Variants in PDE4D observed in about 807,000 individuals in gnomAD.
PDE4D encodes phosphodiesterase 4D, also known as 3',5'-cyclic-AMP phosphodiesterase 4D.
In PDE4D, 24 loss-of-function variants were observed where a neutral mutation model predicts 87.4. That is an observed-to-expected ratio of 0.27 (90% CI 0.20 to 0.39). PDE4D has a LOEUF of 0.39. Ranked by LOEUF, PDE4D falls within the 10% of genes least tolerant of loss-of-function variation. The probability of loss-of-function intolerance (pLI) is 1.00; values close to 1 mark genes in which losing one functional copy is unlikely to be tolerated. For synonymous variants in PDE4D, 384 were observed against 383.2 expected (o/e 1.00, Z -0.02); for missense variants, 714 against 1,041.0 (o/e 0.69, Z 4.32).
intron 2 of PDE4D, among the ~76,000 whole-genome samples, chr5:60,030,376 G>A (rs1216120862): frequency 3.3e-5 from 5 of 152,148 alleles, no homozygotes; most frequent in Non-Finnish European, 7.3e-5. Flanking sequence ...CGTGAACCCG[G>A]GAAGCGGAGC....
intron 1 of PDE4D, among the ~76,000 whole-genome samples, chr5:59,709,622 T>C (rs1030127846): frequency 6.6e-6 from 1 of 152,156 alleles, no homozygotes; most frequent in African/African-American, 2.4e-5. Context: ...GAAACGTTAG[T>C]CCAGAGGCAG....
intron 1 of PDE4D, among the ~76,000 whole-genome samples, chr5:59,512,840 A>T (rs1379475038): frequency 6.6e-6 from 1 of 152,176 alleles, no homozygotes; most frequent in Non-Finnish European, 1.5e-5. Flanking sequence ...AGACAAGTAT[A>T]AAGTAATACC....
chr5:59,949,559 T>A (rs1224432942), intron 3 of PDE4D, among the ~76,000 whole-genome samples: 2 of 151,928 alleles, frequency 1.3e-5, no homozygotes, highest in East Asian at 3.9e-4. Flanking sequence ...ACAATTCACA[T>A]CAAATTGTAG....
At chr5:59,871,195 T>C (rs2152737185) in intron 1 of PDE4D, among the ~76,000 whole-genome samples, 1 of 152,314 alleles carries the variant, frequency 6.6e-6, no homozygotes, top group East Asian at 1.9e-4. Flanking sequence ...TCAGGGTTGG[T>C]CTGGTCTAAG....
chr5:59,115,316 T>G (rs535488668), intron 5 of PDE4D, among the ~76,000 whole-genome samples: 2 of 152,308 alleles, frequency 1.3e-5, no homozygotes, highest in Non-Finnish European at 2.9e-5. Context: ...TGGGTTGAGC[T>G]TATTGCCCCT....
intron 1 of PDE4D, among the ~76,000 whole-genome samples, chr5:60,497,073 A>C (rs1749846021): frequency 1.3e-5 from 2 of 152,216 alleles, no homozygotes; most frequent in Non-Finnish European, 2.9e-5. Context: ...ATACTACATA[A>C]ATGTATTTTT....
chr5:60,104,941 A>C (rs977639129), intron 2 of PDE4D, among the ~76,000 whole-genome samples: 5 of 152,234 alleles, frequency 3.3e-5, no homozygotes, highest in African/African-American at 9.6e-5. Context: ...TGGAAACTCT[A>C]AACAGCAGAG....
At chr5:59,670,862 G>A (rs1210098714) in intron 1 of PDE4D, among the ~76,000 whole-genome samples, 1 of 151,622 alleles carries the variant, frequency 6.6e-6, no homozygotes, top group Admixed American at 6.6e-5. Context: ...ATAGATGGCG[G>A]TCTTGCTGTG....
intron 1 of PDE4D, among the ~76,000 whole-genome samples, chr5:59,371,515 G>C (rs1175471208): frequency 6.6e-6 from 1 of 151,934 alleles, no homozygotes; most frequent in East Asian, 1.9e-4. Flanking sequence ...GAAGACTACT[G>C]TATCATCAAA....
intron 1 of PDE4D, among the ~76,000 whole-genome samples, chr5:60,414,816 G>A (rs1375654164): frequency 6.6e-6 from 1 of 152,252 alleles, no homozygotes; most frequent in African/African-American, 2.4e-5. Context: ...CCACATGACA[G>A]CCTTCACTTA....
intron 2 of PDE4D, among the ~76,000 whole-genome samples, chr5:60,108,290 T>C (rs930969548): frequency 1.3e-5 from 2 of 151,422 alleles, no homozygotes; most frequent in Admixed American, 6.6e-5. Flanking sequence ...TACCTAGGAA[T>C]CCAACTTACA....
chr5:59,615,056 T>A (rs1350831297), intron 1 of PDE4D, among the ~76,000 whole-genome samples: 1 of 152,086 alleles, frequency 6.6e-6, no homozygotes, highest in Non-Finnish European at 1.5e-5. Flanking sequence ...TCTCAAACTC[T>A]TGAGCTCAAG....
intron 1 of PDE4D, among the ~76,000 whole-genome samples, chr5:59,267,852 C>T (rs9292200): frequency 0.041 from 6,242 of 152,068 alleles, 160 homozygotes; most frequent in African/African-American, 0.071. Context: ...CTTATTCTTC[C>T]TCATGTGTAG....
intron 2 of PDE4D, among the ~76,000 whole-genome samples, chr5:60,139,976 C>G (rs1421962001): frequency 6.6e-6 from 1 of 151,978 alleles, no homozygotes; most frequent in Non-Finnish European, 1.5e-5. Context: ...TATACACTGC[C>G]TCTTAATCAT....
At chr5:59,225,060 CT>C (rs1368090429) in intron 1 of PDE4D, among the ~76,000 whole-genome samples, 2 of 152,166 alleles carry the variant, frequency 1.3e-5, no homozygotes, top group African/African-American at 4.8e-5. Flanking sequence ...CTGAAACTCT[CT>C]CTAAGAAAGC....
chr5:58,998,921 T>C (rs747257426), intron 6 of PDE4D, among the ~76,000 whole-genome samples: 1 of 152,184 alleles, frequency 6.6e-6, no homozygotes, highest in African/African-American at 2.4e-5. Context: ...ATTCATTTCT[T>C]GAGATTCACA....
intron 5 of PDE4D, among the ~76,000 whole-genome samples, chr5:59,048,994 C>T (rs1761130122): frequency 6.6e-6 from 1 of 152,152 alleles, no homozygotes; most frequent in African/African-American, 2.4e-5. Context: ...TAAGAACCTG[C>T]TGCACAACTC....
chr5:60,049,338 G>A (rs1562024870), intron 2 of PDE4D, among the ~76,000 whole-genome samples: 1 of 152,098 alleles, frequency 6.6e-6, no homozygotes. Flanking sequence ...AGCGTAATTT[G>A]ATTGTCTGAA....
intron 1 of PDE4D, among the ~76,000 whole-genome samples, chr5:59,337,421 C>T (rs1209660998): frequency 1.4e-5 from 2 of 146,946 alleles, no homozygotes; most frequent in African/African-American, 5.0e-5. Context: ...AGGCTCCGTC[C>T]CCCGGGGTTC....
Sources: allele counts gnomAD v4.1 joint callset (sites outside exome capture counted in the v4.1 genomes callset), GRCh38; gene constraint gnomAD v4.1.1; transcripts MANE v1.5; gene names NCBI Gene and HGNC (gene_info 2026-07-23, HGNC 2026-07-21).